The following MACROH2A1 variants were observed in gnomAD, a reference collection of about 807,000 sequenced individuals.
MACROH2A1 encodes the protein macroH2A.1 histone.
In MACROH2A1, 2 loss-of-function variants were observed where a neutral mutation model predicts 31.6. The observed-to-expected ratio is 0.06, with a 90% CI of 0.03 to 0.20. The LOEUF is 0.20. Ranked by LOEUF, MACROH2A1 falls within the 10% of genes least tolerant of loss-of-function variation. The pLI, the probability that MACROH2A1 is intolerant of heterozygous loss-of-function variation, is 1.00. For missense variants in MACROH2A1, 230 were observed against 474.0 expected (o/e 0.49, Z 4.78); for synonymous variants, 169 against 189.6 (o/e 0.89, Z 0.89).
chr5:135,344,429 C>CATAG (rs1157585444), intron 7 of MACROH2A1: 26 of 151,712 alleles, frequency 1.7e-4, no homozygotes, highest in African/African-American at 6.3e-4. Context: ...ATGGTCGTGT[C>CATAG]ATAGATACTG....
At chr5:135,384,909 A>G (rs1192613135) in intron 2 of MACROH2A1, among the ~76,000 whole-genome samples, 1 of 152,160 alleles carries the variant, frequency 6.6e-6, no homozygotes, top group Admixed American at 6.5e-5. Context: ...CCATACTCTA[A>G]ACCACCCAGC....
At chr5:135,382,716 G>T (rs191750911) in intron 2 of MACROH2A1, among the ~76,000 whole-genome samples, 1 of 152,336 alleles carries the variant, frequency 6.6e-6, no homozygotes, top group Non-Finnish European at 1.5e-5. Flanking sequence ...ACAAGCCACA[G>T]ATTGGAAGAA....
Position 135,369,318 on chromosome 5 carries a change from A to G in MACROH2A1, c.477+88T>C, listed in dbSNP as rs941494264. The G allele has an allele frequency of 1.9e-6, 2 of 1,057,824 alleles. No homozygotes were observed. The highest frequency in any genetic ancestry group is 3.1e-5 in the African/African-American group (2 of 63,908). 65.5% of individuals were successfully genotyped at this position (1,057,824 alleles called of 1,614,324 possible). On this transcript the variant is annotated intron_variant, in intron 4 of 8. Coordinates refer to ENST00000511689, the MANE Select transcript of MACROH2A1 (RefSeq NM_138610.3). The surrounding 1 kb of genome is among the most constrained non-coding windows in gnomAD (Gnocchi z 4.3). The stretch of plus-strand genomic sequence containing the variant: ...ATTCTCCCATCAGTGGGATGAGCCC[A>G]CAGGGGGAATGAGGGGGGTGCCCTG...
At chr5:135,395,521 T>C (rs1387090458) in intron 1 of MACROH2A1, among the ~76,000 whole-genome samples, 3 of 152,188 alleles carry the variant, frequency 2.0e-5, no homozygotes, top group African/African-American at 7.2e-5. Context: ...ATTTGTCACC[T>C]TCCCATCAAC....
intron 2 of MACROH2A1, among the ~76,000 whole-genome samples, chr5:135,382,228 T>C (rs963818975): frequency 2.0e-5 from 3 of 152,218 alleles, no homozygotes; most frequent in South Asian, 2.1e-4. Flanking sequence ...TGCTTGTCCG[T>C]TGGCCCAAGC....
intron 5 of MACROH2A1, chr5:135,360,101 C>CA (rs1762641713): frequency 7.3e-6 from 2 of 272,788 alleles, no homozygotes; most frequent in Non-Finnish European, 1.4e-5. Context: ...TAGTGCCCCC[C>CA]AGGACAAGCA....
chr5:135,365,089 C>T (rs1332650615), intron 4 of MACROH2A1, among the ~76,000 whole-genome samples: 1 of 152,140 alleles, frequency 6.6e-6, no homozygotes, highest in Non-Finnish European at 1.5e-5. Context: ...GAAAGTTATC[C>T]TATGATTCTT....
intron 4 of MACROH2A1, chr5:135,361,515 C>A (rs1321258168): frequency 3.9e-5 from 6 of 152,220 alleles, no homozygotes; most frequent in African/African-American, 1.4e-4. Flanking sequence ...TGGAGATTTT[C>A]TGCATTCAAA....
At chr5:135,394,031 G>A (rs753435980) in intron 1 of MACROH2A1, among the ~76,000 whole-genome samples, 3 of 152,142 alleles carry the variant, frequency 2.0e-5, no homozygotes, top group Admixed American at 6.5e-5. Flanking sequence ...GGACTAATTA[G>A]AAGGCTGGCT....
intron 2 of MACROH2A1, among the ~76,000 whole-genome samples, chr5:135,380,613 G>C (rs1442367527): frequency 2.0e-5 from 3 of 152,168 alleles, no homozygotes; most frequent in Non-Finnish European, 4.4e-5. Flanking sequence ...TCCCATGTCA[G>C]CCTCGAGGTT....
chr5:135,390,912 G>A (rs549684636), intron 1 of MACROH2A1, among the ~76,000 whole-genome samples: 1 of 152,314 alleles, frequency 6.6e-6, no homozygotes, highest in Admixed American at 6.5e-5. Flanking sequence ...GCCCAACAGA[G>A]GTAAGATGGC....
Position 135,369,631 on chromosome 5 carries a change from G to C in MACROH2A1, c.280-28C>G, listed in dbSNP as rs373724671. ...TTCAGGAAAACCAGAATAGCAGATA[G>C]TGAGCCAGATACCCTGCTTCTAACC... On this transcript the variant is annotated intron_variant, in intron 3 of 8. Transcript: ENST00000511689. This position sits in a 1 kb window ranked among gnomAD's most constrained non-coding sequence, Gnocchi z 4.3. 52 of 1,570,956 alleles carry C rather than the reference G, an allele frequency of 3.3e-5. No individual in the cohort carries two copies. Among genetic ancestry groups the C allele is most frequent in the Non-Finnish European group, 4.4e-5 (50 of 1,142,048 alleles).
intron 2 of MACROH2A1, among the ~76,000 whole-genome samples, chr5:135,383,746 T>TG (rs1581331556): frequency 6.8e-6 from 1 of 147,482 alleles, no homozygotes; most frequent in Non-Finnish European, 1.5e-5. Context: ...TGTGTGTGTG[T>TG]TTTAATTTTA....
At chr5:135,366,938 C>T (rs1025744262) in intron 4 of MACROH2A1, among the ~76,000 whole-genome samples, 1 of 152,174 alleles carries the variant, frequency 6.6e-6, no homozygotes, top group Non-Finnish European at 1.5e-5. Flanking sequence ...GCTCTGGACA[C>T]CCAGCCCCTG....
At chr5:135,355,062 T>C in intron 5 of MACROH2A1, 1 of 456,078 alleles carries the variant, frequency 2.2e-6, no homozygotes, top group South Asian at 1.5e-5. Context: ...CTTCTGGTGT[T>C]ATATTCAGAA....
At chr5:135,338,903 A>C (rs1011755849) in intron 8 of MACROH2A1, among the ~76,000 whole-genome samples, 2 of 152,168 alleles carry the variant, frequency 1.3e-5, no homozygotes, top group African/African-American at 4.8e-5. Context: ...TCTAAGCATT[A>C]ATTTCCTCCA....
rs1763892193 is a variant in MACROH2A1, at chr5:135,369,255, C to A, written c.477+151G>T. 1 of 727,122 alleles carries A rather than the reference C, an allele frequency of 1.4e-6. No homozygotes were observed. The highest frequency in any genetic ancestry group is 2.4e-6 in the Non-Finnish European group (1 of 415,554). The allele number at this position is 727,122 out of a possible 1,614,324, so 45.0% of individuals were successfully genotyped here. A position where few individuals can be genotyped will look rare whatever the true frequency, so the allele number is the denominator to read the frequency against. On this transcript the variant is annotated intron_variant, in intron 4 of 8. Coordinates refer to ENST00000511689, the MANE Select transcript of MACROH2A1 (RefSeq NM_138610.3). This position sits in a 1 kb window ranked among gnomAD's most constrained non-coding sequence, Gnocchi z 4.3. The stretch of plus-strand genomic sequence containing the variant: ...TCTGGCTACTTGTGTTGGACTAGCC[C>A]CTCTGGAGAGTAATCAGCTCCTACA...
intron 4 of MACROH2A1, among the ~76,000 whole-genome samples, chr5:135,364,488 TCA>T (rs1331134486): frequency 6.6e-6 from 1 of 152,240 alleles, no homozygotes; most frequent in Non-Finnish European, 1.5e-5. Flanking sequence ...TTTTCATATC[TCA>T]GTTTGGGGGA....
At chr5:135,371,071 A>G (rs1201650526) in intron 2 of MACROH2A1, among the ~76,000 whole-genome samples, 5 of 152,250 alleles carry the variant, frequency 3.3e-5, no homozygotes, top group Admixed American at 2.0e-4. Context: ...TTATAAGAAC[A>G]TTCCTCTTTC....
Sources: gnomAD v4.1 joint callset for allele counts (sites outside exome capture counted in the v4.1 genomes callset) on GRCh38, gnomAD v4.1.1 for gene constraint, Gnocchi (gnomAD v3.1) non-coding constraint, MANE v1.5 for transcripts, NCBI Gene and HGNC (gene_info 2026-07-23, HGNC 2026-07-21) for gene names.